RERE: variants seen among roughly 807,000 people sequenced by gnomAD.
RERE encodes arginine-glutamic acid dipeptide repeats.
A neutral mutation model predicts 146.1 loss-of-function variants in RERE; 40 were observed. That is an observed-to-expected ratio of 0.27 (90% CI 0.21 to 0.36). The LOEUF (loss-of-function observed/expected upper bound fraction) is 0.36. Ranked by LOEUF, RERE falls within the 10% of genes least tolerant of loss-of-function variation. RERE has a pLI of 1.00. For missense variants in RERE, 1,933 were observed against 2,138.7 expected (o/e 0.90, Z 1.90); for synonymous variants, 1,003 against 866.0 (o/e 1.16, Z -2.78).
intron 11 of RERE, among the ~76,000 whole-genome samples, chr1:8,432,764 C>T (rs1226208505): frequency 6.6e-6 from 1 of 152,106 alleles, no homozygotes; most frequent in Non-Finnish European, 1.5e-5. Context: ...CTCCCTGAAA[C>T]ATAATACATG....
In RERE at chr1:8,362,825, C is replaced by A; in HGVS notation, c.1760G>T (p.Gly587Val). The change falls in exon 16 of 23, where the codon GGT becomes GTT. Residue 587 changes from glycine to valine, a missense_variant. Around this residue, in one of 11 missense-constraint regions of RERE, gnomAD observed 1,255 missense variants for 1,153.8 expected, o/e 1.09. Coordinates refer to ENST00000400908, the MANE Select transcript of RERE (RefSeq NM_001042681.2). Reference protein sequence around the residue: ...SRGSMSTLRSGRKKQPASPDG... With the variant: ...SRGSMSTLRSVRKKQPASPDG... ...AGGGCTGGCTGGCTGCTTCTTCCGA[C>A]CACTGCGTAGTGTCGACATCTGCCC... 1.2e-6 allele frequency: 2 copies of A among 1,613,576 alleles called. No individual in the cohort carries two copies. Among genetic ancestry groups the A allele is most frequent in the Non-Finnish European group, 1.7e-6 (2 of 1,179,802 alleles).
intron 1 of RERE, among the ~76,000 whole-genome samples, chr1:8,720,775 G>C (rs1639849060): frequency 6.6e-6 from 1 of 152,196 alleles, no homozygotes; most frequent in Non-Finnish European, 1.5e-5. Flanking sequence ...TAAAAATCTA[G>C]CCGGGCACAG....
intron 10 of RERE, among the ~76,000 whole-genome samples, chr1:8,481,674 T>C (rs983625268): frequency 3.9e-5 from 6 of 152,204 alleles, no homozygotes; most frequent in Admixed American, 1.3e-4. Flanking sequence ...GACCAATAGT[T>C]GATACCTTAA....
chr1:8,749,537 G>A (rs1640488933), intron 1 of RERE, among the ~76,000 whole-genome samples: 1 of 152,050 alleles, frequency 6.6e-6, no homozygotes, highest in African/African-American at 2.4e-5. Context: ...ATTATAAGAT[G>A]AAGCAAAGAA....
chr1:8,794,357 CAAAAAAA>C (rs34549021), intron 1 of RERE, among the ~76,000 whole-genome samples: 8 of 40,552 alleles, frequency 2.0e-4, no homozygotes, highest in South Asian at 1.2e-3. Flanking sequence ...GACTCCGTCT[CAAAAAAA>C]AAAAAAAAAA....
At chr1:8,391,808 G>A (rs1642891301) in intron 12 of RERE, among the ~76,000 whole-genome samples, 2 of 152,188 alleles carry the variant, frequency 1.3e-5, no homozygotes, top group Admixed American at 1.3e-4. Context: ...GGCCGAGACA[G>A]GTGGATCGCC....
intron 11 of RERE, among the ~76,000 whole-genome samples, chr1:8,429,198 T>A (rs1644060147): frequency 6.6e-6 from 1 of 152,176 alleles, no homozygotes; most frequent in Admixed American, 6.5e-5. Flanking sequence ...GCTATTCCCA[T>A]CTTTTAGGTG....
intron 1 of RERE, among the ~76,000 whole-genome samples, chr1:8,746,251 AGCTTTTGTCT>A (rs1640418106): frequency 6.6e-6 from 1 of 152,222 alleles, no homozygotes; most frequent in South Asian, 2.1e-4. Flanking sequence ...GTCTGATGAT[AGCTTTTGTCT>A]GTTTAACAAA....
intron 4 of RERE, among the ~76,000 whole-genome samples, chr1:8,604,673 G>GT (rs1646679696): frequency 7.5e-5 from 11 of 145,776 alleles, no homozygotes; most frequent in African/African-American, 3.0e-4. Context: ...AGGAAGGAAG[G>GT]AAGTCCACAT....
chr1:8,532,228 C>T (rs1483299601), intron 7 of RERE, among the ~76,000 whole-genome samples: 4 of 152,094 alleles, frequency 2.6e-5, no homozygotes, highest in Admixed American at 2.0e-4. Context: ...TTCATTTAAA[C>T]ATTTTACATT....
At chr1:8,705,682 A>G (rs1016829591) in intron 1 of RERE, among the ~76,000 whole-genome samples, 1 of 152,138 alleles carries the variant, frequency 6.6e-6, no homozygotes, top group Admixed American at 6.5e-5. Flanking sequence ...CATCATGTAG[A>G]TTTATGTCAG....
chr1:8,633,021 A>G (rs1647052137), intron 2 of RERE, among the ~76,000 whole-genome samples: 1 of 152,232 alleles, frequency 6.6e-6, no homozygotes. Flanking sequence ...GAAATTTATT[A>G]AAAGTAGGCT....
At chr1:8,737,117 AGATAACACATTCTAAT>A (rs1162277213) in intron 1 of RERE, among the ~76,000 whole-genome samples, 3 of 152,220 alleles carry the variant, frequency 2.0e-5, no homozygotes, top group African/African-American at 7.2e-5. Flanking sequence ...CAGGGTCCAA[AGATAACACATTCTAAT>A]GAATGCTTGC....
At chr1:8,630,563 C>CAAT (rs1317660563) in intron 2 of RERE, among the ~76,000 whole-genome samples, 1 of 152,120 alleles carries the variant, frequency 6.6e-6, no homozygotes, top group East Asian at 1.9e-4. Context: ...GAGGGGTACT[C>CAAT]ATATTGACTG....
At chr1:8,507,609 A>G (rs755833853) in intron 8 of RERE, among the ~76,000 whole-genome samples, 1 of 151,684 alleles carries the variant, frequency 6.6e-6, no homozygotes, top group Non-Finnish European at 1.5e-5. Context: ...GAGTTTCACC[A>G]TGTTGGCCAG....
In RERE at chr1:8,648,329, T is replaced by C. The variant is rs368065489; in HGVS notation, c.325+7644A>G. Among the ~76,000 whole-genome samples, 334 of 152,272 alleles carry C rather than the reference T, an allele frequency of 2.2e-3. 1 individual carries two copies. The highest frequency in any genetic ancestry group is 7.6e-3 in the African/African-American group (315 of 41,558). On this transcript the variant is annotated intron_variant, in intron 2 of 22. Transcript: ENST00000400908. The stretch of plus-strand genomic sequence containing the variant: ...TCACTGCAGCCTCAACCTTCCATGC[T>C]TAAGGGATCCTCCCACCTCAGCCTC...
chr1:8,365,109 C>T (rs1033475373), intron 13 of RERE, among the ~76,000 whole-genome samples: 1 of 152,366 alleles, frequency 6.6e-6, no homozygotes, highest in East Asian at 1.9e-4. Context: ...ATGCCCGTAA[C>T]GGGTGAGTCT....
chr1:8,636,163 T>C (rs1384953961), intron 2 of RERE, among the ~76,000 whole-genome samples: 1 of 152,154 alleles, frequency 6.6e-6, no homozygotes, highest in Non-Finnish European at 1.5e-5. Flanking sequence ...TAATTTTGTA[T>C]TTTTAGTAGA....
intron 2 of RERE, among the ~76,000 whole-genome samples, chr1:8,630,350 A>C (rs1647020591): frequency 6.6e-6 from 1 of 152,186 alleles, no homozygotes; most frequent in Admixed American, 6.5e-5. Flanking sequence ...TGTTCTTCAT[A>C]GTAAACACTC....
Sources: gnomAD v4.1 joint callset for allele counts (sites outside exome capture counted in the v4.1 genomes callset) on GRCh38, gnomAD v4.1.1 for gene constraint, gnomAD v4.1.1 regional missense constraint, MANE v1.5 for transcripts, NCBI Gene and HGNC (gene_info 2026-07-23, HGNC 2026-07-21) for gene names.